The following DYTN variants were observed in gnomAD, a reference collection of about 807,000 sequenced individuals.
DYTN encodes the protein dystrotelin.
A neutral mutation model predicts 69.6 loss-of-function variants in DYTN; 75 were observed. That is an observed-to-expected ratio of 1.08 (90% CI 0.89 to 1.31). The LOEUF (loss-of-function observed/expected upper bound fraction) is 1.31, where lower values mean the gene tolerates loss of function less well. Ranked by LOEUF, DYTN falls within the 50% of genes most tolerant of loss-of-function variation. DYTN has a pLI of 0.00. For synonymous variants in DYTN, 252 were observed against 249.1 expected (o/e 1.01, Z -0.11); for missense variants, 726 against 688.4 (o/e 1.05, Z -0.61).
At chr2:206,677,652 A>G (rs1265164699) in intron 9 of DYTN, among the ~76,000 whole-genome samples, 1 of 152,220 alleles carries the variant, frequency 6.6e-6, no homozygotes, top group African/African-American at 2.4e-5. Flanking sequence ...AATTTTTCCC[A>G]GCATAAAACT....
chr2:206,684,069 C>A (rs1255654455), intron 9 of DYTN, among the ~76,000 whole-genome samples: 1 of 151,922 alleles, frequency 6.6e-6, no homozygotes, highest in Non-Finnish European at 1.5e-5. Context: ...GAGCAGAAAT[C>A]CTTGTCTCTT....
intron 11 of DYTN, among the ~76,000 whole-genome samples, chr2:206,661,272 T>C (rs1210806703): frequency 1.3e-5 from 2 of 152,208 alleles, no homozygotes; most frequent in Non-Finnish European, 2.9e-5. Context: ...TACTGTGTTA[T>C]AGCAGCCCCA....
chr2:206,664,382 C>T (rs1333872096), intron 10 of DYTN, among the ~76,000 whole-genome samples: 7 of 152,094 alleles, frequency 4.6e-5, no homozygotes, highest in Admixed American at 1.3e-4. Context: ...TAAGGCCGGG[C>T]GCAGTGGCTC....
chr2:206,688,565 T>C (rs1410322155), intron 9 of DYTN, among the ~76,000 whole-genome samples: 3 of 152,156 alleles, frequency 2.0e-5, no homozygotes, highest in Non-Finnish European at 4.4e-5. Flanking sequence ...AACTCAAAAT[T>C]TTTTTGCCAC....
intron 8 of DYTN, among the ~76,000 whole-genome samples, chr2:206,694,115 T>C (rs1285499222): frequency 6.6e-6 from 1 of 152,210 alleles, no homozygotes; most frequent in Non-Finnish European, 1.5e-5. Context: ...ACTTACTCAC[T>C]GGAATTTAGT....
intron 9 of DYTN, among the ~76,000 whole-genome samples, chr2:206,683,414 G>T (rs1317726862): frequency 6.9e-6 from 1 of 145,950 alleles, no homozygotes; most frequent in African/African-American, 2.5e-5. Flanking sequence ...CTCTCTCTTG[G>T]CTCACTGCAA....
At position 206,651,860 on chromosome 2, in the gene DYTN, G is replaced by A; in HGVS notation, c.1695C>T (p.Phe565=). The A allele has an allele frequency of 6.2e-7, 1 of 1,613,686 alleles. No individual in the cohort carries two copies. Among genetic ancestry groups the A allele is most frequent in the Non-Finnish European group, 8.5e-7 (1 of 1,179,654 alleles). Residue 565 remains phenylalanine, a synonymous_variant, in exon 12 of 12, where the codon TTC becomes TTT. Transcript: ENST00000452335. ...AGGCAATTTGATCAACAAGGGCAGA[G>A]AAGGCCCTGCACACTCGCTGAGCTC... ...YSGAQRVCRA[F]SALVDQIALP...
In DYTN at chr2:206,699,869, CT is replaced by C; in HGVS notation, c.576del (p.Glu193LysfsTer52). ...CFQGVLSPAI[K>X]EEKFLSWVQS... is the part of the protein sequence containing the mutation. ...TGGACCCAAGACAGGAATTTTTCTT[CT>C]TTGATTGCTGGGCTCAACACCTGAA... On this transcript the variant is annotated frameshift_variant, in exon 7 of 12. Transcript: ENST00000452335. LOFTEE classifies it high-confidence loss of function. 6.2e-7 allele frequency: 1 copy of C among 1,613,380 alleles called. No homozygotes were observed. The highest frequency in any genetic ancestry group is 1.7e-5 in the Admixed American group (1 of 59,888).
intron 1 of DYTN, among the ~76,000 whole-genome samples, chr2:206,714,347 C>T (rs1445086976): frequency 5.3e-5 from 8 of 152,286 alleles, no homozygotes; most frequent in Middle Eastern, 3.4e-3. Flanking sequence ...GGATTACAGG[C>T]GCACACCACC....
Position 206,671,170 on chromosome 2 carries a change from C to G in DYTN, c.981-5141G>C, listed in dbSNP as rs1440167851. Reference sequence around the variant, plus strand: ...TGGGGCACCATGTTCCAGCCCTTGGCTCCCACACATCGGAATGAAAGATTG... The same window carrying G: ...TGGGGCACCATGTTCCAGCCCTTGGGTCCCACACATCGGAATGAAAGATTG... On this transcript the variant is annotated intron_variant, in intron 9 of 11. Coordinates refer to ENST00000452335, the MANE Select transcript of DYTN (RefSeq NM_001093730.1). Among the ~76,000 whole-genome samples the G allele has an allele frequency of 2.0e-5, 3 of 152,144 alleles. No homozygotes were observed. In the East Asian group the frequency reaches 5.8e-4, roughly 29 times the overall value.
chr2:206,688,815 C>T (rs1344932979), intron 9 of DYTN, among the ~76,000 whole-genome samples: 1 of 151,944 alleles, frequency 6.6e-6, no homozygotes, highest in Non-Finnish European at 1.5e-5. Context: ...TTATTTGGGT[C>T]TTGTATCTTT....
intron 10 of DYTN, among the ~76,000 whole-genome samples, chr2:206,663,682 A>G (rs981267277): frequency 1.3e-5 from 2 of 152,234 alleles, no homozygotes; most frequent in African/African-American, 4.8e-5. Context: ...TAAAAATACC[A>G]TAAGGAATTT....
At chr2:206,685,352 G>A (rs964406693) in intron 9 of DYTN, among the ~76,000 whole-genome samples, 8 of 151,680 alleles carry the variant, frequency 5.3e-5, no homozygotes, top group African/African-American at 1.7e-4. Context: ...CTGTAGAGAC[G>A]GAATCTCTCT....
intron 9 of DYTN, among the ~76,000 whole-genome samples, chr2:206,684,553 C>A (rs10177301): frequency 0.087 from 13,189 of 152,238 alleles, 1,916 homozygotes; most frequent in African/African-American, 0.3. Context: ...GATCCTCCTT[C>A]ACTTTGAGAG....
chr2:206,713,639 C>G (rs1449877562), intron 1 of DYTN, among the ~76,000 whole-genome samples: 3 of 152,140 alleles, frequency 2.0e-5, no homozygotes, highest in African/African-American at 7.2e-5. Flanking sequence ...AAGATTTGCA[C>G]AGTTATAGTG....
At chr2:206,687,404 C>T (rs1174683398) in intron 9 of DYTN, 2 of 152,240 alleles carry the variant, frequency 1.3e-5, no homozygotes, top group Non-Finnish European at 1.5e-5. Flanking sequence ...TCTGACCTCA[C>T]ATCAAGTTTT....
At chr2:206,698,649 A>G (rs961335610) in intron 7 of DYTN, among the ~76,000 whole-genome samples, 3 of 152,086 alleles carry the variant, frequency 2.0e-5, no homozygotes, top group East Asian at 1.9e-4. Flanking sequence ...GATAACTCCA[A>G]TTTTACTTCC....
At chr2:206,700,289 G>A in intron 5 of DYTN, 73 bp from the exon 6 acceptor site, 2 of 1,541,606 alleles carry the variant, frequency 1.3e-6, no homozygotes, top group Middle Eastern at 1.7e-4. Context: ...GCAGGGCTGA[G>A]AGCTGGTGCC....
chr2:206,718,066 C>T (rs1188805099), intron 1 of DYTN, among the ~76,000 whole-genome samples, 195 bp downstream of exon 1: 1 of 152,050 alleles, frequency 6.6e-6, no homozygotes, highest in Middle Eastern at 3.2e-3. Flanking sequence ...GACAATAGAC[C>T]AGATACTCTT....
Sources: allele counts gnomAD v4.1 joint callset (sites outside exome capture counted in the v4.1 genomes callset), GRCh38; gene constraint gnomAD v4.1.1; transcripts MANE v1.5; gene names NCBI Gene and HGNC (gene_info 2026-07-23, HGNC 2026-07-21).